LGR6: variants seen among roughly 807,000 people sequenced by gnomAD.
The protein encoded by LGR6 is leucine-rich repeat-containing G protein-coupled receptor 6.
A neutral mutation model predicts 69.4 loss-of-function variants in LGR6; 45 were observed. The observed-to-expected ratio is 0.65, with a 90% CI of 0.51 to 0.83. LGR6 has a LOEUF of 0.83. Ranked by LOEUF, LGR6 falls within the 40% of genes least tolerant of loss-of-function variation. The pLI is 0.00. For missense variants in LGR6, 1,108 were observed against 1,246.7 expected, an observed-to-expected ratio of 0.89 and a Z score of 1.68; for synonymous variants, 538 against 555.0, an observed-to-expected ratio of 0.97 and a Z score of 0.43.
intron 6 of LGR6, among the ~76,000 whole-genome samples, chr1:202,285,614 C>A (rs776002643): frequency 1.3e-5 from 2 of 152,216 alleles, no homozygotes; most frequent in Non-Finnish European, 2.9e-5. Context: ...GCTTCCTTTC[C>A]TGTCCTCCCA....
In LGR6 at chr1:202,295,870, A is replaced by AGTGTGTGTGT. The variant is rs10522809; in HGVS notation, c.717-1602_717-1593dup. 3.4e-3 allele frequency among the ~76,000 whole-genome samples: 493 copies of AGTGTGTGTGT among 144,026 alleles called. 4 individuals are homozygous for AGTGTGTGTGT. Among genetic ancestry groups the AGTGTGTGTGT allele is most frequent in the Middle Eastern group, 7.0e-3 (2 of 286 alleles). The allele number at this position is 144,026 out of a possible 152,430, so 94.5% of individuals were successfully genotyped here. A position where few individuals can be genotyped will look rare whatever the true frequency, so the allele number is the denominator to read the frequency against. On this transcript the variant is annotated intron_variant, in intron 6 of 17. Transcript: ENST00000367278. ...GCAGTCTGAGGGTAATTGGGTAATT[A>AGTGTGTGTGT]GTGTGTGTGTGTGTGTGTGTGTGTG...
In LGR6 at chr1:202,194,171, CG is replaced by C; in HGVS notation, c.187del (p.Asp63ThrfsTer5). 3.2e-6 allele frequency: 5 copies of C among 1,568,828 alleles called. No homozygotes were observed. The highest frequency in any genetic ancestry group is 2.6e-6 in the Non-Finnish European group (3 of 1,166,292). On this transcript the variant is annotated frameshift_variant, in exon 1 of 18. Coordinates refer to ENST00000367278, the MANE Select transcript of LGR6 (RefSeq NM_001017403.2). LOFTEE classifies it high-confidence loss of function. ...DCSELGLSAVPGDLDPLTAYL... is the reference protein window; with the variant it reads ...DCSELGLSAVXGDLDPLTAYL... ...TCTGAGCTCGGGCTGTCCGCCGTTC[CG>C]GGGGACCTGGACCCCCTGACGGCTT... is the stretch of plus-strand genomic sequence containing the variant.
intron 1 of LGR6, among the ~76,000 whole-genome samples, chr1:202,206,683 G>A (rs1473518399): frequency 1.3e-5 from 2 of 151,932 alleles, no homozygotes; most frequent in South Asian, 2.1e-4. Flanking sequence ...CTGAGTAGCC[G>A]AGACTACAGG....
At chr1:202,295,870 A>AGTGTGT (rs10522809) in intron 6 of LGR6, among the ~76,000 whole-genome samples, 3,933 of 143,986 alleles carry the variant, frequency 0.027, 75 homozygotes, top group Non-Finnish European at 0.039. Context: ...TTGGGTAATT[A>AGTGTGT]GTGTGTGTGT....
At chr1:202,196,237 G>T (rs2147883506) in intron 1 of LGR6, among the ~76,000 whole-genome samples, 2 of 152,278 alleles carry the variant, frequency 1.3e-5, no homozygotes, top group East Asian at 3.9e-4. Context: ...GTCCCATCTG[G>T]ATGGTGCATG....
chr1:202,283,623 C>T (rs1019221645), intron 6 of LGR6, among the ~76,000 whole-genome samples: 6 of 152,318 alleles, frequency 3.9e-5, no homozygotes, highest in African/African-American at 1.2e-4. Context: ...GTGGGGAAAG[C>T]GGCCCCCAGC....
At chr1:202,292,696 T>C (rs1487518272) in intron 6 of LGR6, among the ~76,000 whole-genome samples, 1 of 152,246 alleles carries the variant, frequency 6.6e-6, no homozygotes, top group Non-Finnish European at 1.5e-5. Flanking sequence ...CTTCCTATTA[T>C]GATAAGCCAG....
At chr1:202,262,731 G>A (rs1318006683) in intron 4 of LGR6, among the ~76,000 whole-genome samples, 3 of 151,698 alleles carry the variant, frequency 2.0e-5, no homozygotes, top group South Asian at 2.1e-4. Context: ...CATAATCTTC[G>A]CCCCTTTGTC....
Position 202,229,435 on chromosome 1 carries a change from C to T in LGR6, c.356+1428C>T, listed in dbSNP as rs554954160. On this transcript the variant is annotated intron_variant, in intron 3 of 17. Coordinates refer to ENST00000367278, the MANE Select transcript of LGR6 (RefSeq NM_001017403.2). Reference sequence around the variant, plus strand: ...TTCTGAAACAGACACACAGTGCAGGCGGCCTACTTGGTGGTGTGTCTGTGC... The same window carrying T: ...TTCTGAAACAGACACACAGTGCAGGTGGCCTACTTGGTGGTGTGTCTGTGC... Among the ~76,000 whole-genome samples, 3 of 152,316 alleles carry T rather than the reference C, an allele frequency of 2.0e-5. No individual in the cohort carries two copies. The South Asian group carries it at 6.2e-4, about 32-fold the overall frequency.
rs538047113 is a variant in LGR6, at chr1:202,248,092, C to T, written c.428+12099C>T. ...ACTCGCTGGAGGGTGAAAATCCACA[C>T]AGCAACCGGAAAAGGCGGCAAGCAC... On this transcript the variant is annotated intron_variant, in intron 4 of 17. Transcript: ENST00000367278. 3.3e-5 allele frequency among the ~76,000 whole-genome samples: 5 copies of T among 152,376 alleles called. No individual in the cohort carries two copies. In the East Asian group the frequency reaches 5.8e-4, roughly 18 times the overall value.
At position 202,303,125 on chromosome 1, in the gene LGR6, A is replaced by G. The variant is rs951433448; in HGVS notation, c.930-154A>G. Among the ~76,000 whole-genome samples the G allele has an allele frequency of 2.0e-5, 3 of 152,170 alleles. 1 individual carries two copies. Among genetic ancestry groups the G allele is most frequent in the Admixed American group, 2.0e-4 (3 of 15,278 alleles). On this transcript the variant is annotated intron_variant, in intron 9 of 17. Transcript: ENST00000367278. ...TGCTAAGTATGGCTCAGCCTCCACG[A>G]GGGCCTGCGTGGCTGACTTGAGGAA...
chr1:202,296,768 A>G (rs1186460409), intron 6 of LGR6, among the ~76,000 whole-genome samples: 1 of 152,192 alleles, frequency 6.6e-6, no homozygotes, highest in Non-Finnish European at 1.5e-5. Context: ...ATCCTTACAC[A>G]TTCCTAGACT....
intron 4 of LGR6, chr1:202,236,256 A>C: frequency 2.0e-6 from 1 of 510,924 alleles, no homozygotes; most frequent in Non-Finnish European, 3.5e-6. Flanking sequence ...GGACCTCCCT[A>C]GGTGAGGCCA....
intron 4 of LGR6, among the ~76,000 whole-genome samples, chr1:202,269,638 C>T (rs999720125): frequency 6.6e-6 from 1 of 152,186 alleles, no homozygotes; most frequent in Non-Finnish European, 1.5e-5. Context: ...CATTCAGGCC[C>T]ACCTTTCCTC....
intron 3 of LGR6, among the ~76,000 whole-genome samples, chr1:202,228,378 G>A (rs1485491628): frequency 6.6e-6 from 1 of 152,054 alleles, no homozygotes; most frequent in African/African-American, 2.4e-5. Flanking sequence ...TTCTGGAGAG[G>A]GGAAATACAG....
chr1:202,205,989 C>CACAA (rs1553238578), intron 1 of LGR6, among the ~76,000 whole-genome samples: 1 of 148,120 alleles, frequency 6.8e-6, no homozygotes, highest in East Asian at 1.9e-4. Context: ...CACACACACA[C>CACAA]CCCTAGTATG....
intron 4 of LGR6, among the ~76,000 whole-genome samples, chr1:202,271,932 G>C (rs1010194099): frequency 1.3e-5 from 2 of 152,020 alleles, no homozygotes; most frequent in Admixed American, 6.6e-5. Context: ...TCCCTCTAAG[G>C]GGGTGTTTGT....
In LGR6 at chr1:202,225,415, TC is replaced by T. The variant is rs1558016101; in HGVS notation, c.213-6del. 6.2e-7 allele frequency: 1 copy of T among 1,613,356 alleles called. No homozygotes were observed. The highest frequency in any genetic ancestry group is 8.5e-7 in the Non-Finnish European group (1 of 1,179,414). On this transcript the variant is annotated splice_polypyrimidine_tract_variant and splice_region_variant and intron_variant, in intron 1 of 17. Transcript: ENST00000367278. The stretch of plus-strand genomic sequence containing the variant: ...TCACAGCTCCTTTTTCCATCTTCTC[TC>T]CACCAGGGACCTCAGCATGAACAAC...
intron 9 of LGR6, among the ~76,000 whole-genome samples, chr1:202,302,608 G>A (rs542687797): frequency 4.6e-5 from 7 of 152,132 alleles, no homozygotes; most frequent in South Asian, 2.1e-4. Context: ...GTGCAATAGC[G>A]CAGTCTCAGC....
Sources: gnomAD v4.1 joint callset for allele counts (sites outside exome capture counted in the v4.1 genomes callset) on GRCh38, gnomAD v4.1.1 for gene constraint, MANE v1.5 for transcripts, NCBI Gene and HGNC (gene_info 2026-07-23, HGNC 2026-07-21) for gene names.